Variants in BCAS3 observed in about 807,000 individuals in gnomAD.
BCAS3 encodes the protein BCAS4/BCAS3 fusion.
A neutral mutation model predicts 116.1 loss-of-function variants in BCAS3; 53 were observed. That is an observed-to-expected ratio of 0.46 (90% CI 0.37 to 0.57). The LOEUF is 0.57. Among genes scored for constraint, BCAS3 ranks in the 20% least tolerant of loss-of-function variants. The pLI is 0.00. For synonymous variants in BCAS3, 391 were observed against 408.2 expected (o/e 0.96, Z 0.51); for missense variants, 917 against 1,165.4 (o/e 0.79, Z 3.10).
chr17:61,015,357 C>A (rs974372542), intron 15 of BCAS3, among the ~76,000 whole-genome samples: 2 of 152,198 alleles, frequency 1.3e-5, no homozygotes, highest in African/African-American at 2.4e-5. Flanking sequence ...GGGGTGCTAT[C>A]ATAGCTCACT....
chr17:60,993,583 TG>T lies in BCAS3; in HGVS notation c.1486+3349del, dbSNP rs1468285069. Among the ~76,000 whole-genome samples the T allele has an allele frequency of 2.0e-5, 3 of 152,226 alleles. No homozygotes were observed. The highest frequency in any genetic ancestry group is 7.2e-5 in the African/African-American group (3 of 41,472). On this transcript the variant is annotated intron_variant, in intron 15 of 23. Coordinates refer to ENST00000407086, the MANE Select transcript of BCAS3 (RefSeq NM_017679.5). This position sits in a 1 kb window ranked among gnomAD's most constrained non-coding sequence, Gnocchi z 4.2. ...TTAGAGTGATGGTCATTTTTCTTCA[TG>T]TTTTTTTGTATCTTACATGTCATAA...
rs141536476 is a variant in BCAS3, at chr17:61,243,680, T to C, written c.2426-124647T>C. Among the ~76,000 whole-genome samples the C allele has an allele frequency of 1.6e-4, 25 of 152,362 alleles. No individual in the cohort carries two copies. The highest frequency in any genetic ancestry group is 4.8e-4 in the African/African-American group (20 of 41,588). ...TCAGGACTTTCATTCACTTCCTTCATGTAGCACAGTTCCCTGCCAGAAATA... is the reference window on the plus strand; with the variant it reads ...TCAGGACTTTCATTCACTTCCTTCACGTAGCACAGTTCCCTGCCAGAAATA... On this transcript the variant is annotated intron_variant, in intron 22 of 23. Transcript: ENST00000407086. The surrounding 1 kb of genome is among the most constrained non-coding windows in gnomAD (Gnocchi z 5.6).
chr17:61,014,959 A>G (rs1261028938), intron 15 of BCAS3, among the ~76,000 whole-genome samples: 2 of 152,218 alleles, frequency 1.3e-5, no homozygotes, highest in African/African-American at 4.8e-5. Context: ...CCTGAAAACT[A>G]CAAAACAACA....
chr17:60,747,232 G>T lies in BCAS3; in HGVS notation c.356G>T (p.Arg119Leu). The change falls in exon 6 of 24, where the codon CGA becomes CTA. Residue 119 changes from arginine (R) to leucine (L), a missense_variant. By Grantham distance (102) the Arg-to-Leu change is moderately radical. Transcript: ENST00000407086. The stretch of plus-strand genomic sequence containing the variant: ...GAAGCACAAGAGCTCTTCTCTGTTC[G>T]ACATGGCCCAATTCGAGCGGCTAGA... ...SGEAQELFSV[R>L]HGPIRAARIL... 6.2e-7 allele frequency: 1 copy of T among 1,612,972 alleles called. No individual in the cohort carries two copies. The highest frequency in any genetic ancestry group is 8.5e-7 in the Non-Finnish European group (1 of 1,179,176).
At chr17:61,129,996 G>A (rs140429931) in intron 22 of BCAS3, among the ~76,000 whole-genome samples, 2 of 152,270 alleles carry the variant, frequency 1.3e-5, no homozygotes, top group Non-Finnish European at 2.9e-5. Context: ...TTCTTGTTTT[G>A]TAGCTTTTTG....
intron 22 of BCAS3, among the ~76,000 whole-genome samples, chr17:61,319,632 G>C (rs2055030888): frequency 6.6e-6 from 1 of 150,960 alleles, no homozygotes; most frequent in Non-Finnish European, 1.5e-5. Context: ...CTGTTTAAGA[G>C]ATTTTTTTTT....
intron 22 of BCAS3, among the ~76,000 whole-genome samples, chr17:61,358,087 C>CAA (rs11324354): frequency 5.0e-5 from 7 of 138,738 alleles, no homozygotes; most frequent in African/African-American, 1.6e-4. Context: ...GACTCCATCT[C>CAA]AAAAAAAAAA....
chr17:60,719,900 G>A (rs1220782134), intron 5 of BCAS3, among the ~76,000 whole-genome samples: 4 of 152,200 alleles, frequency 2.6e-5, no homozygotes, highest in African/African-American at 9.6e-5. Flanking sequence ...AGTTAAAGAT[G>A]TTTCCAGAGT....
rs745779494 is a variant in BCAS3, at chr17:61,140,118, A to T, written c.2425+55554A>T. Among the ~76,000 whole-genome samples, 1 of 151,928 alleles carries T rather than the reference A, an allele frequency of 6.6e-6. No homozygotes were observed. Among genetic ancestry groups the T allele is most frequent in the Non-Finnish European group, 1.5e-5 (1 of 67,962 alleles). ...TGGGCGTGGTGGTGCATTCCTGTAA[A>T]CCCAGCTACTCAGGAGGCTGAGGCA... is the stretch of plus-strand genomic sequence containing the variant. On this transcript the variant is annotated intron_variant, in intron 22 of 23. Transcript: ENST00000407086. This position sits in a 1 kb window ranked among gnomAD's most constrained non-coding sequence, Gnocchi z 4.2.
intron 19 of BCAS3, among the ~76,000 whole-genome samples, chr17:61,071,814 AT>A (rs1480268342): frequency 6.6e-6 from 1 of 152,136 alleles, no homozygotes; most frequent in Non-Finnish European, 1.5e-5. Context: ...TGTGAAAAAA[AT>A]ATGTTCTCTT....
At chr17:61,102,508 T>G (rs1469111248) in intron 22 of BCAS3, among the ~76,000 whole-genome samples, 3 of 152,076 alleles carry the variant, frequency 2.0e-5, no homozygotes, top group Admixed American at 2.0e-4. Context: ...CAGAAGAAGG[T>G]GTGATTTAGA....
intron 19 of BCAS3, among the ~76,000 whole-genome samples, chr17:61,042,204 T>C (rs1027302113): frequency 6.6e-6 from 1 of 152,078 alleles, no homozygotes; most frequent in Admixed American, 6.6e-5. Flanking sequence ...ATAAGAATCA[T>C]GAGTACATTT....
chr17:61,193,757 CAAAAAAAAAAAAAAAAA>C (rs59810014), intron 22 of BCAS3, among the ~76,000 whole-genome samples: 3 of 52,314 alleles, frequency 5.7e-5, no homozygotes, highest in Non-Finnish European at 9.7e-5. Flanking sequence ...AACTCCATCT[CAAAAAAAAAAAAAAAAA>C]AAAAAAAAAA....
At position 60,830,250 on chromosome 17, in the gene BCAS3, A is replaced by C. The variant is rs887104731; in HGVS notation, c.476+22174A>C. ...ATGATCTGCCCACCTCAGCCTCCCA[A>C]AGTCCTGGGATTATAGGCGTGAGCC... On this transcript the variant is annotated intron_variant, in intron 7 of 23. Coordinates refer to ENST00000407086, the MANE Select transcript of BCAS3 (RefSeq NM_017679.5). 2.4e-4 allele frequency among the ~76,000 whole-genome samples: 36 copies of C among 152,318 alleles called. 2 individuals are homozygous for C. Among genetic ancestry groups the C allele is most frequent in the Admixed American group, 2.2e-3 (34 of 15,290 alleles).
At chr17:60,836,921 T>G (rs2051419482) in intron 7 of BCAS3, among the ~76,000 whole-genome samples, 1 of 152,216 alleles carries the variant, frequency 6.6e-6, no homozygotes, top group South Asian at 2.1e-4. Flanking sequence ...TTAGAAGTTT[T>G]AAAATGTGCT....
intron 22 of BCAS3, among the ~76,000 whole-genome samples, chr17:61,182,332 G>A (rs753759088): frequency 5.9e-5 from 9 of 151,624 alleles, no homozygotes; most frequent in Non-Finnish European, 1.0e-4. Flanking sequence ...TTGTGATAAC[G>A]GTTTTTTTTA....
At chr17:61,009,109 A>C (rs940572267) in intron 15 of BCAS3, among the ~76,000 whole-genome samples, 1 of 152,086 alleles carries the variant, frequency 6.6e-6, no homozygotes, top group Admixed American at 6.6e-5. Flanking sequence ...GTAAACCTTC[A>C]GAAAAGTGGA....
intron 16 of BCAS3, among the ~76,000 whole-genome samples, chr17:61,025,784 G>T (rs1029754630): frequency 2.0e-5 from 3 of 151,918 alleles, no homozygotes; most frequent in African/African-American, 7.3e-5. Context: ...TCTCTTGCGT[G>T]TCTCTGTTCC....
intron 22 of BCAS3, among the ~76,000 whole-genome samples, chr17:61,209,981 G>T (rs2081361513): frequency 6.6e-6 from 1 of 152,120 alleles, no homozygotes; most frequent in Non-Finnish European, 1.5e-5. Context: ...CATTTTGTAG[G>T]GGAGCTGCTG....
Sources: gnomAD v4.1 joint callset for allele counts (sites outside exome capture counted in the v4.1 genomes callset) on GRCh38, gnomAD v4.1.1 for gene constraint, Gnocchi (gnomAD v3.1) non-coding constraint, MANE v1.5 for transcripts, NCBI Gene and HGNC (gene_info 2026-07-23, HGNC 2026-07-21) for gene names.